Variants in HERC4 observed in about 807,000 individuals in gnomAD.
HERC4 encodes the protein probable E3 ubiquitin-protein ligase HERC4.
In HERC4, 28 loss-of-function variants were observed where a neutral mutation model predicts 124.3. The observed-to-expected ratio is 0.23, with a 90% CI of 0.17 to 0.31. The LOEUF (loss-of-function observed/expected upper bound fraction) is 0.31. Among genes scored for constraint, HERC4 ranks in the 10% least tolerant of loss-of-function variants. HERC4 has a pLI of 1.00. For synonymous variants in HERC4, 407 were observed against 421.5 expected (o/e 0.97, Z 0.42); for missense variants, 713 against 1,229.3 (o/e 0.58, Z 6.28).
At chr10:68,015,061 G>A (rs1316809543) in intron 8 of HERC4, among the ~76,000 whole-genome samples, 1 of 152,146 alleles carries the variant, frequency 6.6e-6, no homozygotes, top group African/African-American at 2.4e-5. Flanking sequence ...AGCAAGACTG[G>A]AAATCTCTTT....
chr10:67,984,460 G>A (rs1033229064), intron 15 of HERC4, among the ~76,000 whole-genome samples: 10 of 152,058 alleles, frequency 6.6e-5, no homozygotes, highest in Admixed American at 1.3e-4. Context: ...TTATCTAATG[G>A]AGACACAGAG....
intron 19 of HERC4, among the ~76,000 whole-genome samples, chr10:67,942,495 AC>A (rs1248007411): frequency 6.6e-6 from 1 of 151,786 alleles, no homozygotes; most frequent in Non-Finnish European, 1.5e-5. Flanking sequence ...GTTTTCCTCT[AC>A]CCCCGTTCCA....
At chr10:68,066,545 T>G (rs1378992660) in intron 3 of HERC4, among the ~76,000 whole-genome samples, 3 of 152,240 alleles carry the variant, frequency 2.0e-5, no homozygotes, top group Non-Finnish European at 4.4e-5. Flanking sequence ...TTTTGTCTTC[T>G]GTGTAGGTTT....
chr10:68,029,166 A>AC (rs951843071), intron 7 of HERC4, among the ~76,000 whole-genome samples: 2 of 151,646 alleles, frequency 1.3e-5, no homozygotes, highest in Non-Finnish European at 2.9e-5. Flanking sequence ...CAAGAGTGAG[A>AC]CCCCCATCTC....
At chr10:67,930,230 TAA>T (rs1031631346) in intron 23 of HERC4, among the ~76,000 whole-genome samples, 2 of 148,880 alleles carry the variant, frequency 1.3e-5, no homozygotes, top group Admixed American at 1.3e-4. Context: ...ATTTGCAAAT[TAA>T]AAAAAAAAGT....
rs536584552 is a variant in HERC4 at position 67,926,480 on chromosome 10, T to C, written c.2839-1293A>G. Among the ~76,000 whole-genome samples, 37 of 149,120 alleles carry C rather than the reference T, an allele frequency of 2.5e-4. No individual in the cohort carries two copies. The East Asian group carries it at 4.4e-3, about 18-fold the overall frequency. ...AAGCAGGTAGGAAGTAGAGAGGAAA[T>C]AGTTTATACTGTGAACTGTTCTTAT... On this transcript the variant is annotated intron_variant, in intron 23 of 24. Coordinates refer to ENST00000373700, the MANE Select transcript of HERC4 (RefSeq NM_015601.4).
At chr10:68,052,536 T>TA (rs548169196) in intron 3 of HERC4, among the ~76,000 whole-genome samples, 2 of 152,042 alleles carry the variant, frequency 1.3e-5, no homozygotes, top group African/African-American at 4.8e-5. Context: ...CAAATATCAT[T>TA]AAAAAAAAGA....
chr10:68,072,846 A>G lies in HERC4; in HGVS notation c.226+37T>C, dbSNP rs552704457. On this transcript the variant is annotated intron_variant, in intron 3 of 24. Coordinates refer to ENST00000373700, the MANE Select transcript of HERC4 (RefSeq NM_015601.4). The stretch of plus-strand genomic sequence containing the variant: ...GATTCAAATTTAAAATGATATAATT[A>G]TTAAAAATAGCAAATTTTAAAAACA... 7 of 1,398,960 alleles carry G rather than the reference A, an allele frequency of 5.0e-6. No homozygotes were observed. The African/African-American group carries it at 1.0e-4, about 20-fold the overall frequency. 86.7% of individuals were successfully genotyped at this position (1,398,960 alleles called of 1,614,324 possible). A position where few individuals can be genotyped will look rare whatever the true frequency, so the allele number is the denominator to read the frequency against.
At chr10:68,010,406 C>T in intron 9 of HERC4, 1 of 979,328 alleles carries the variant, frequency 1.0e-6, no homozygotes. Context: ...CCTCAAAATC[C>T]TCTCATGGTG....
intron 9 of HERC4, among the ~76,000 whole-genome samples, chr10:68,001,008 G>A (rs2037196743): frequency 6.6e-6 from 1 of 152,136 alleles, no homozygotes; most frequent in Non-Finnish European, 1.5e-5. Flanking sequence ...TTAAAGAAAG[G>A]TGTGCCCCTT....
chr10:67,961,633 C>T (rs1416110843), intron 16 of HERC4, among the ~76,000 whole-genome samples: 1 of 152,138 alleles, frequency 6.6e-6, no homozygotes, highest in Non-Finnish European at 1.5e-5. Context: ...CCTCCCCAAA[C>T]TCACAATTGG....
At chr10:68,035,407 C>T (rs190790128) in intron 5 of HERC4, among the ~76,000 whole-genome samples, 333 of 152,238 alleles carry the variant, frequency 2.2e-3, no homozygotes, top group African/African-American at 6.2e-3. Context: ...CTGCCCACCT[C>T]GGCCTCCCAA....
chr10:67,929,823 T>A (rs1340014444), intron 23 of HERC4, among the ~76,000 whole-genome samples: 1 of 149,762 alleles, frequency 6.7e-6, no homozygotes, highest in Non-Finnish European at 1.5e-5. Context: ...CTGTGCATTT[T>A]TTTTTTGAGA....
intron 5 of HERC4, among the ~76,000 whole-genome samples, chr10:68,034,913 T>C (rs925628622): frequency 3.3e-5 from 5 of 151,952 alleles, no homozygotes; most frequent in African/African-American, 1.2e-4. Context: ...GGCAAATAGA[T>C]CCATTCCTCA....
intron 3 of HERC4, 60 bp from the exon 4 acceptor site, chr10:68,044,623 T>C: frequency 6.8e-7 from 1 of 1,477,118 alleles, no homozygotes; most frequent in East Asian, 2.3e-5. Context: ...AAAAAGATAT[T>C]GCATTCTAGT....
chr10:68,040,066 T>C (rs2039683143), intron 4 of HERC4: 2 of 786,372 alleles, frequency 2.5e-6, no homozygotes, highest in Admixed American at 6.2e-5. Flanking sequence ...TGGCACCTAC[T>C]ATAGTGCCTA....
At chr10:67,928,881 A>G (rs1474748710) in intron 23 of HERC4, among the ~76,000 whole-genome samples, 1 of 152,066 alleles carries the variant, frequency 6.6e-6, no homozygotes, top group Non-Finnish European at 1.5e-5. Context: ...AGATTGAGCC[A>G]CTGCACTCCA....
intron 23 of HERC4, among the ~76,000 whole-genome samples, chr10:67,925,696 C>A (rs2030836789): frequency 6.6e-6 from 1 of 152,006 alleles, no homozygotes; most frequent in Non-Finnish European, 1.5e-5. Flanking sequence ...GAATGTATGA[C>A]TTCTGAGACT....
chr10:67,998,565 G>GT (rs1272157643), intron 9 of HERC4, among the ~76,000 whole-genome samples: 4 of 14,672 alleles, frequency 2.7e-4, no homozygotes, highest in South Asian at 0.016. Context: ...AAAAAAAAAG[G>GT]GGGGGGGGTA....
Sources: gnomAD v4.1 joint callset for allele counts (sites outside exome capture counted in the v4.1 genomes callset) on GRCh38, gnomAD v4.1.1 for gene constraint, MANE v1.5 for transcripts, NCBI Gene and HGNC (gene_info 2026-07-23, HGNC 2026-07-21) for gene names.